The following CSMD1 variants were observed in gnomAD, a reference collection of about 807,000 sequenced individuals.
The protein encoded by CSMD1 is CUB and sushi domain-containing protein 1.
Under a neutral mutation model 417.5 loss-of-function variants are expected in CSMD1, and 213 were observed. That is an observed-to-expected ratio of 0.51 (90% CI 0.46 to 0.57). The LOEUF (loss-of-function observed/expected upper bound fraction) is 0.57, where lower values mean the gene tolerates loss of function less well. Among genes scored for constraint, CSMD1 ranks in the 20% least tolerant of loss-of-function variants. The pLI is 0.00. For synonymous variants in CSMD1, 2,862 were observed against 1,736.8 expected, an observed-to-expected ratio of 1.65 and a Z score of -16.11; for missense variants, 6,923 against 4,529.7, an observed-to-expected ratio of 1.53 and a Z score of -15.17.
chr8:4,810,371 A>C (rs187736194), intron 1 of CSMD1, among the ~76,000 whole-genome samples: 19 of 152,294 alleles, frequency 1.2e-4, no homozygotes, highest in Admixed American at 9.8e-4. Flanking sequence ...GACTTTTGAT[A>C]ATTTATTCCA....
At chr8:3,095,331 C>G (rs1253649078) in intron 47 of CSMD1, among the ~76,000 whole-genome samples, 1 of 152,094 alleles carries the variant, frequency 6.6e-6, no homozygotes. Flanking sequence ...TAGAGTTTAC[C>G]TCTCTTCTTC....
intron 5 of CSMD1, among the ~76,000 whole-genome samples, chr8:3,902,868 A>C (rs529543226): frequency 9.9e-4 from 142 of 143,424 alleles, no homozygotes; most frequent in African/African-American, 3.7e-3. Context: ...GCTACATCCA[A>C]CTTTCCTTCC....
chr8:3,409,100 T>G (rs1191262806), intron 13 of CSMD1, among the ~76,000 whole-genome samples: 1 of 152,202 alleles, frequency 6.6e-6, no homozygotes, highest in Non-Finnish European at 1.5e-5. Context: ...AAGGACTCTG[T>G]TGCTGTACTG....
chr8:3,379,858 A>T (rs956618918), intron 18 of CSMD1, among the ~76,000 whole-genome samples: 3 of 152,224 alleles, frequency 2.0e-5, no homozygotes, highest in Non-Finnish European at 4.4e-5. Flanking sequence ...CATGACTAAA[A>T]CACCAAAAAG....
chr8:4,362,676 A>C (rs1444881471), intron 3 of CSMD1, among the ~76,000 whole-genome samples: 1 of 152,234 alleles, frequency 6.6e-6, no homozygotes, highest in African/African-American at 2.4e-5. Flanking sequence ...GTGAAATAAA[A>C]GAAATTATGG....
chr8:4,179,759 G>C (rs971961222), intron 3 of CSMD1, among the ~76,000 whole-genome samples: 70 of 568 alleles, frequency 0.12, no homozygotes, highest in South Asian at 0.5. Context: ...CCATCAAAAA[G>C]TGGTGAACAA....
chr8:4,328,495 T>C (rs777456555), intron 3 of CSMD1, among the ~76,000 whole-genome samples: 11 of 152,062 alleles, frequency 7.2e-5, no homozygotes, highest in Non-Finnish European at 1.3e-4. Context: ...AAATTAGAAA[T>C]ACTCCTCCTG....
intron 1 of CSMD1, among the ~76,000 whole-genome samples, chr8:4,750,858 T>A (rs1673255): frequency 0.2 from 29,818 of 152,060 alleles, 3,285 homozygotes; most frequent in African/African-American, 0.31. Context: ...ATATTGGGAT[T>A]TAGTGAAGGG....
chr8:4,957,067 T>G (rs1809163084), intron 1 of CSMD1, among the ~76,000 whole-genome samples: 1 of 152,230 alleles, frequency 6.6e-6, no homozygotes, highest in Non-Finnish European at 1.5e-5. Flanking sequence ...AATTTGAGAC[T>G]GTTGCCAGAT....
chr8:3,070,977 TG>T (rs893613181), intron 49 of CSMD1, among the ~76,000 whole-genome samples: 1 of 152,214 alleles, frequency 6.6e-6, no homozygotes, highest in African/African-American at 2.4e-5. Context: ...GTTCAGCTCC[TG>T]GGGAGACCTG....
intron 10 of CSMD1, among the ~76,000 whole-genome samples, chr8:3,513,014 C>T (rs1480498728): frequency 1.3e-5 from 2 of 152,120 alleles, no homozygotes; most frequent in East Asian, 1.9e-4. Flanking sequence ...CTTGAAAGAT[C>T]ATTTAAAAAT....
chr8:4,167,504 T>C (rs1229513692), intron 3 of CSMD1, among the ~76,000 whole-genome samples: 2 of 152,138 alleles, frequency 1.3e-5, no homozygotes, highest in Non-Finnish European at 2.9e-5. Flanking sequence ...TATAACATTT[T>C]CTAAAATGTA....
chr8:4,638,315 G>A (rs1017025249), intron 1 of CSMD1, among the ~76,000 whole-genome samples: 1 of 152,120 alleles, frequency 6.6e-6, no homozygotes, highest in Non-Finnish European at 1.5e-5. Flanking sequence ...GCAATATGTG[G>A]TAATAAGAAT....
intron 7 of CSMD1, among the ~76,000 whole-genome samples, 157 bp downstream of exon 7, chr8:3,708,257 G>C (rs933749998): frequency 6.6e-6 from 1 of 152,190 alleles, no homozygotes; most frequent in Non-Finnish European, 1.5e-5. Context: ...AGTGAAGTTA[G>C]TGCATGTTCT....
intron 3 of CSMD1, among the ~76,000 whole-genome samples, chr8:4,092,021 G>T (rs776627963): frequency 3.3e-5 from 5 of 152,076 alleles, no homozygotes. Context: ...ATAATATTAC[G>T]TAGCACATAT....
At chr8:3,854,182 G>A (rs1215500918) in intron 5 of CSMD1, among the ~76,000 whole-genome samples, 1 of 146,562 alleles carries the variant, frequency 6.8e-6, no homozygotes, top group East Asian at 2.0e-4. Context: ...ACACGTCTTG[G>A]AAATGGACCA....
chr8:3,203,996 G>A (rs1371239778), intron 31 of CSMD1, among the ~76,000 whole-genome samples: 1 of 152,112 alleles, frequency 6.6e-6, no homozygotes, highest in Admixed American at 6.6e-5. Context: ...TTGCATCCCT[G>A]TACTTACAAA....
intron 3 of CSMD1, among the ~76,000 whole-genome samples, chr8:4,165,475 C>T (rs73180468): frequency 0.08 from 12,227 of 152,274 alleles, 563 homozygotes; most frequent in Middle Eastern, 0.16. Context: ...GCAGTCATTG[C>T]TCACTGTAGC....
chr8:3,774,124 G>C (rs541323340), intron 5 of CSMD1, among the ~76,000 whole-genome samples: 115 of 152,242 alleles, frequency 7.6e-4, no homozygotes, highest in African/African-American at 2.6e-3. Context: ...TCCCTCTTAG[G>C]TTTGAGCATA....
Sources: gnomAD v4.1 joint callset for allele counts (sites outside exome capture counted in the v4.1 genomes callset) on GRCh38, gnomAD v4.1.1 for gene constraint, MANE v1.5 for transcripts, NCBI Gene and HGNC (gene_info 2026-07-23, HGNC 2026-07-21) for gene names.